Variants in ZC3H18 observed in about 807,000 individuals in gnomAD.
ZC3H18 encodes the protein zinc finger CCCH domain-containing protein 18.
ZC3H18 carries 8 observed loss-of-function variants against 106.1 expected under a neutral mutation model. The ratio of observed to expected loss-of-function variants is 0.08; its 90% CI spans 0.04 to 0.14. The LOEUF is 0.14. Among genes scored for constraint, ZC3H18 ranks in the 10% least tolerant of loss-of-function variants. The pLI is 1.00. For missense variants in ZC3H18, 1,318 were observed against 1,278.4 expected (o/e 1.03, Z -0.47); for synonymous variants, 635 against 522.1 (o/e 1.22, Z -2.95).
intron 4 of ZC3H18, 69 bp from the exon 5 acceptor site, chr16:88,598,551 T>C (rs1904575356): frequency 2.6e-6 from 4 of 1,512,536 alleles, no homozygotes; most frequent in African/African-American, 2.8e-5. Context: ...TTGATGTTTT[T>C]ACTGTCTGGT....
At chr16:88,580,331 G>A (rs1915048364) in intron 2 of ZC3H18, among the ~76,000 whole-genome samples, 1 of 152,082 alleles carries the variant, frequency 6.6e-6, no homozygotes, top group African/African-American at 2.4e-5. Flanking sequence ...CAGCCAGTCA[G>A]TAGAGGAATC....
chr16:88,625,092 T>A (rs1808480695), intron 12 of ZC3H18, 110 bp from the exon 13 acceptor site: 14 of 1,295,708 alleles, frequency 1.1e-5, no homozygotes, highest in Non-Finnish European at 1.5e-5. Flanking sequence ...TCCAAGGTGG[T>A]AGCAAGGCCA....
intron 5 of ZC3H18, among the ~76,000 whole-genome samples, chr16:88,599,157 C>T (rs544446079): frequency 6.6e-6 from 1 of 152,354 alleles, no homozygotes; most frequent in South Asian, 2.1e-4. Context: ...CCCAGGAGCA[C>T]AGGGTGCAGT....
chr16:88,602,296 T>C (rs554791153), intron 6 of ZC3H18, among the ~76,000 whole-genome samples: 6 of 152,246 alleles, frequency 3.9e-5, no homozygotes, highest in Admixed American at 6.5e-5. Flanking sequence ...GCAGCACTTA[T>C]GTGTTGCAAT....
At chr16:88,574,256 C>T (rs1315363208) in intron 1 of ZC3H18, among the ~76,000 whole-genome samples, 1 of 152,046 alleles carries the variant, frequency 6.6e-6, no homozygotes, top group Admixed American at 6.6e-5. Flanking sequence ...ACCACCTAGG[C>T]TGGAGTGCAG....
At chr16:88,622,492 T>C (rs1906028382) in intron 9 of ZC3H18, 104 bp downstream of exon 9, 1 of 1,320,686 alleles carries the variant, frequency 7.6e-7, no homozygotes. Context: ...GCCCCACTGT[T>C]TGCTGTGGCG....
intron 3 of ZC3H18, among the ~76,000 whole-genome samples, chr16:88,591,243 T>G (rs1403317570): frequency 6.6e-6 from 1 of 152,004 alleles, no homozygotes; most frequent in Non-Finnish European, 1.5e-5. Context: ...GTGCTGGGAT[T>G]ACAGGCGTGA....
intron 3 of ZC3H18, among the ~76,000 whole-genome samples, chr16:88,591,453 T>G (rs1915747914): frequency 6.6e-6 from 1 of 152,150 alleles, no homozygotes; most frequent in African/African-American, 2.4e-5. Flanking sequence ...ACACCTCTAA[T>G]TCCAGCTATT....
intron 8 of ZC3H18, among the ~76,000 whole-genome samples, chr16:88,621,190 G>A (rs976004433): frequency 4.6e-5 from 7 of 151,204 alleles, no homozygotes; most frequent in African/African-American, 1.2e-4. Flanking sequence ...GATTACAGGC[G>A]CCCGCCACCA....
chr16:88,589,210 A>T (rs1278073907), intron 3 of ZC3H18, among the ~76,000 whole-genome samples: 1 of 152,234 alleles, frequency 6.6e-6, no homozygotes, highest in Non-Finnish European at 1.5e-5. Flanking sequence ...TGGAGCCCTC[A>T]TTCACTGCTC....
intron 3 of ZC3H18, chr16:88,587,474 A>G: frequency 1.5e-6 from 2 of 1,359,862 alleles, no homozygotes; most frequent in South Asian, 1.2e-5. Context: ...AAGCCCATAG[A>G]TGACTGTCAC....
intron 9 of ZC3H18, 158 bp from the exon 10 acceptor site, chr16:88,623,061 G>C (rs148935780): frequency 9.8e-7 from 1 of 1,021,202 alleles, no homozygotes; most frequent in South Asian, 1.6e-5. Context: ...GGCTGTATGC[G>C]TCTGTGCGCG....
intron 6 of ZC3H18, among the ~76,000 whole-genome samples, chr16:88,605,629 G>T (rs536304426): frequency 1.3e-5 from 2 of 152,254 alleles, no homozygotes; most frequent in Non-Finnish European, 2.9e-5. Flanking sequence ...GCATTTCATT[G>T]TGTAATATTG....
chr16:88,575,109 G>T (rs1048855268), intron 1 of ZC3H18, among the ~76,000 whole-genome samples: 14 of 151,666 alleles, frequency 9.2e-5, no homozygotes, highest in Non-Finnish European at 1.8e-4. Flanking sequence ...GATTACAGGC[G>T]TGAGCCACCG....
chr16:88,614,295 A>G (rs1905445115), intron 8 of ZC3H18, among the ~76,000 whole-genome samples: 1 of 152,248 alleles, frequency 6.6e-6, no homozygotes, highest in Admixed American at 6.5e-5. Context: ...AGCCATCAGG[A>G]CCTGCGACTG....
chr16:88,631,735 C>G lies in ZC3H18; in HGVS notation c.*436C>G, dbSNP rs573681095. On this transcript the variant is annotated 3_prime_UTR_variant, in exon 18 of 18. Coordinates refer to ENST00000301011, the MANE Select transcript of ZC3H18 (RefSeq NM_144604.4). ...CTGGTGGCACATCCTTCTCCTCCCC[C>G]GCCCCTGATCACCCGCCCCCGGATC... 1.9e-3 allele frequency: 778 copies of G among 401,334 alleles called. 14 individuals are homozygous for G. The highest frequency in any genetic ancestry group is 0.012 in the South Asian group (703 of 56,528). 24.9% of individuals were successfully genotyped at this position (401,334 alleles called of 1,614,324 possible). A position where few individuals can be genotyped will look rare whatever the true frequency, so the allele number is the denominator to read the frequency against.
Position 88,577,325 on chromosome 16 carries a change from G to T in ZC3H18, c.202G>T (p.Asp68Tyr), listed in dbSNP as rs761106825. Residue 68 changes from aspartate (D) to tyrosine (Y), a missense_variant, in exon 2 of 18, where the codon GAC (aspartate) becomes TAC (tyrosine). Transcript: ENST00000301011. ...CCAGGAGGAGGAAGATAATCACTCC[G>T]ACGAGGAGGACCGGGCAAGTGAGCC... is the stretch of plus-strand genomic sequence containing the variant. The part of the protein sequence containing the change: ...PSQEEEDNHS[D>Y]EEDRASEPKS... 6.2e-7 allele frequency: 1 copy of T among 1,609,708 alleles called. No homozygotes were observed. Among genetic ancestry groups the T allele is most frequent in the South Asian group, 1.1e-5 (1 of 90,504 alleles).
At chr16:88,593,652 C>T (rs1286071390) in intron 3 of ZC3H18, among the ~76,000 whole-genome samples, 1 of 152,160 alleles carries the variant, frequency 6.6e-6, no homozygotes, top group Non-Finnish European at 1.5e-5. Context: ...GCTGGAGCTG[C>T]GGCTGACCCT....
rs2142819521 is a variant in ZC3H18, at chr16:88,624,753, C to T, written c.2042+8C>T. On this transcript the variant is annotated splice_region_variant and intron_variant, in intron 12 of 17. Coordinates refer to ENST00000301011, the MANE Select transcript of ZC3H18 (RefSeq NM_144604.4). ...CAGGACCCCCCCCAGGAGGTGAGCACTCCGGCGTCCGGGGCCCTCAGGCTT... is the reference window on the plus strand; with the variant it reads ...CAGGACCCCCCCCAGGAGGTGAGCATTCCGGCGTCCGGGGCCCTCAGGCTT... The T allele has an allele frequency of 1.2e-6, 2 of 1,607,386 alleles. No homozygotes were observed. Among genetic ancestry groups the T allele is most frequent in the Non-Finnish European group, 1.7e-6 (2 of 1,177,402 alleles).
Sources: gnomAD v4.1 joint callset for allele counts (sites outside exome capture counted in the v4.1 genomes callset) on GRCh38, gnomAD v4.1.1 for gene constraint, MANE v1.5 for transcripts, NCBI Gene and HGNC (gene_info 2026-07-23, HGNC 2026-07-21) for gene names.